The following LARS1 variants were observed in gnomAD, a reference collection of about 807,000 sequenced individuals.
LARS1 encodes the protein leucyl-tRNA synthetase 1.
Under a neutral mutation model 162.8 loss-of-function variants are expected in LARS1, and 100 were observed. That is an observed-to-expected ratio of 0.61 (90% CI 0.52 to 0.73). The LOEUF (loss-of-function observed/expected upper bound fraction) is 0.73, where lower values mean the gene tolerates loss of function less well. Among genes scored for constraint, LARS1 ranks in the 30% least tolerant of loss-of-function variants. LARS1 has a pLI of 0.00. For synonymous variants in LARS1, 457 were observed against 462.8 expected, an observed-to-expected ratio of 0.99 and a Z score of 0.16; for missense variants, 1,258 against 1,408.9, an observed-to-expected ratio of 0.89 and a Z score of 1.71.
intron 4 of LARS1, among the ~76,000 whole-genome samples, chr5:146,170,657 C>G (rs566078598): frequency 6.6e-6 from 1 of 151,974 alleles, no homozygotes; most frequent in Non-Finnish European, 1.5e-5. Context: ...AGCAATGACA[C>G]GTCATGATAT....
chr5:146,132,106 G>T (rs930226337), intron 23 of LARS1: 1 of 152,126 alleles, frequency 6.6e-6, no homozygotes, highest in Non-Finnish European at 1.5e-5. Context: ...TCATGAGTTC[G>T]AGACCAGCCT....
chr5:146,174,523 T>TCC lies in LARS1; in HGVS notation c.126-1750_126-1749insGG, dbSNP rs1561498173. On this transcript the variant is annotated intron_variant, in intron 2 of 31. Transcript: ENST00000394434. Reference sequence around the variant, plus strand: ...ATCCATATATATATATATATATCCATATATATATATATATCCATATATGTA... The same window carrying TCC: ...ATCCATATATATATATATATATCCATCCATATATATATATATCCATATATGTA... Among the ~76,000 whole-genome samples, 67 of 14,746 alleles carry TCC rather than the reference T, an allele frequency of 4.5e-3. 2 individuals carry two copies. The highest frequency in any genetic ancestry group is 7.0e-3 in the African/African-American group (66 of 9,496). The allele number at this position is 14,746 out of a possible 152,430, so 9.7% of individuals were successfully genotyped here.
intron 5 of LARS1, among the ~76,000 whole-genome samples, chr5:146,167,348 G>A (rs1285420779): frequency 6.6e-6 from 1 of 151,940 alleles, no homozygotes; most frequent in Non-Finnish European, 1.5e-5. Context: ...CAGTTCTTCT[G>A]TAAATCTAAA....
Position 146,151,843 on chromosome 5 carries a change from A to G in LARS1, c.1425+19T>C. ...GCATGGAGTAAAGCAAATAAAAACT[A>G]AAAAAAATTATTACTTACACCCTCA... On this transcript the variant is annotated intron_variant, in intron 14 of 31. Transcript: ENST00000394434. 6.3e-7 allele frequency: 1 copy of G among 1,585,648 alleles called. No homozygotes were observed. The highest frequency in any genetic ancestry group is 1.7e-4 in the Middle Eastern group (1 of 5,958).
chr5:146,158,954 G>C (rs1265029974), intron 8 of LARS1, among the ~76,000 whole-genome samples: 1 of 151,960 alleles, frequency 6.6e-6, no homozygotes, highest in East Asian at 1.9e-4. Flanking sequence ...AAATTAGCTG[G>C]GTGTGGTGGT....
chr5:146,177,740 C>G (rs1754662297), intron 1 of LARS1, 75 bp from the exon 2 acceptor site: 2 of 625,832 alleles, frequency 3.2e-6, no homozygotes, highest in Non-Finnish European at 5.4e-6. Flanking sequence ...GTTCACAGAA[C>G]TGAGCTGCTC....
intron 10 of LARS1, 92 bp from the exon 11 acceptor site, chr5:146,154,072 T>A (rs1581056716): frequency 2.4e-6 from 2 of 836,362 alleles, no homozygotes; most frequent in Admixed American, 2.8e-5. Context: ...CCTGAGAAGC[T>A]AGTAATCAAA....
chr5:146,153,860 C>G, intron 11 of LARS1, 33 bp downstream of exon 11: 1 of 1,607,000 alleles, frequency 6.2e-7, no homozygotes, highest in Non-Finnish European at 8.5e-7. Flanking sequence ...ATGTGTTTAT[C>G]AAAATATTTC....
intron 7 of LARS1, among the ~76,000 whole-genome samples, chr5:146,159,960 C>A (rs1447233411): frequency 6.6e-6 from 1 of 151,974 alleles, no homozygotes; most frequent in African/African-American, 2.4e-5. Context: ...AATAAAAGCC[C>A]ACCCTCCCAT....
At position 146,153,983 on chromosome 5, in the gene LARS1, GC is replaced by G; in HGVS notation, c.1066-4del. The G allele has an allele frequency of 2.5e-6, 4 of 1,586,220 alleles. No homozygotes were observed. The highest frequency in any genetic ancestry group is 8.6e-7 in the Non-Finnish European group (1 of 1,167,196). ...GAAAGTGATGCACCAAGAATTTCCT[GC>G]ATAAGAAAAAAATCAATATAAAAGG... On this transcript the variant is annotated splice_polypyrimidine_tract_variant and splice_region_variant and intron_variant, in intron 10 of 31. Coordinates refer to ENST00000394434, the MANE Select transcript of LARS1 (RefSeq NM_020117.11).
At chr5:146,167,299 T>C (rs918280210) in intron 5 of LARS1, among the ~76,000 whole-genome samples, 4 of 152,204 alleles carry the variant, frequency 2.6e-5, no homozygotes, top group South Asian at 4.1e-4. Flanking sequence ...AAAAATAGTA[T>C]CATAGTTATA....
Position 146,122,585 on chromosome 5 carries a change from T to C in LARS1, c.3099A>G (p.Leu1033=). 1 of 1,587,658 alleles carries C rather than the reference T, an allele frequency of 6.3e-7. No individual in the cohort carries two copies. Among genetic ancestry groups the C allele is most frequent in the Non-Finnish European group, 8.6e-7 (1 of 1,159,518 alleles). ...NIVYLTNSLE[L]EHIEVKFASE... The stretch of plus-strand genomic sequence containing the variant: ...AGGCAAACTTGACTTCTATGTGTTC[T>C]AGCTAAACAGACGGGAAAAAATGGA... Residue 1033 remains leucine, a splice_region_variant and synonymous_variant, in exon 30 of 32, where the codon CTA becomes CTG. Transcript: ENST00000394434.
At chr5:146,139,872 CAAAA>C (rs34203668) in intron 21 of LARS1, among the ~76,000 whole-genome samples, 2 of 83,390 alleles carry the variant, frequency 2.4e-5, no homozygotes, top group Admixed American at 1.7e-4. Flanking sequence ...GACTCCGTCT[CAAAA>C]AAAAAAAAAA....
In LARS1 at chr5:146,164,298, T is replaced by G; in HGVS notation, c.594+12A>C. On this transcript the variant is annotated intron_variant, in intron 6 of 31. Transcript: ENST00000394434. ...TGTAAATGCTTTCCTCATATTTCCTTTATAGACATACCTTCAAACCCATTC... is the reference window on the plus strand; with the variant it reads ...TGTAAATGCTTTCCTCATATTTCCTGTATAGACATACCTTCAAACCCATTC... 6.2e-7 allele frequency: 1 copy of G among 1,611,394 alleles called. No individual in the cohort carries two copies. Among genetic ancestry groups the G allele is most frequent in the East Asian group, 2.2e-5 (1 of 44,838 alleles).
intron 1 of LARS1, among the ~76,000 whole-genome samples, chr5:146,179,010 T>C (rs1371584191): frequency 6.6e-6 from 1 of 152,082 alleles, no homozygotes; most frequent in African/African-American, 2.4e-5. Context: ...GGCAGGTGGA[T>C]CACCTGAGGC....
rs1456110751 is a variant in LARS1, at chr5:146,151,851, T to A, written c.1425+11A>T. ...TAAAGCAAATAAAAACTAAAAAAAA[T>A]TATTACTTACACCCTCATAAAATCC... On this transcript the variant is annotated intron_variant, in intron 14 of 31. Transcript: ENST00000394434. 4 of 1,605,488 alleles carry A rather than the reference T, an allele frequency of 2.5e-6. No homozygotes were observed. Among genetic ancestry groups the A allele is most frequent in the African/African-American group, 1.3e-5 (1 of 74,426 alleles).
chr5:146,161,876 G>C (rs1451668309), intron 6 of LARS1, among the ~76,000 whole-genome samples: 3 of 152,074 alleles, frequency 2.0e-5, no homozygotes, highest in African/African-American at 7.2e-5. Flanking sequence ...TTTACCAGAA[G>C]TAGACTCCAT....
chr5:146,153,277 G>C (rs1217479764), intron 12 of LARS1, 50 bp from the exon 13 acceptor site: 2 of 1,251,272 alleles, frequency 1.6e-6, no homozygotes, highest in Admixed American at 1.8e-5. Context: ...TTTACTGGGA[G>C]AATCATTGAG....
chr5:146,174,398 T>C (rs1460114976), intron 2 of LARS1, among the ~76,000 whole-genome samples: 2 of 142,672 alleles, frequency 1.4e-5, no homozygotes, highest in African/African-American at 5.0e-5. Context: ...TGAGCCGAGA[T>C]CACACCATTG....
Sources: allele counts gnomAD v4.1 joint callset (sites outside exome capture counted in the v4.1 genomes callset), GRCh38; gene constraint gnomAD v4.1.1; transcripts MANE v1.5; gene names NCBI Gene and HGNC (gene_info 2026-07-23, HGNC 2026-07-21).